Variants in HGD observed in about 807,000 individuals in gnomAD.
HGD encodes the protein homogentisate 1,2-dioxygenase.
Under a neutral mutation model 60.8 loss-of-function variants are expected in HGD, and 61 were observed. The observed-to-expected ratio is 1.00, with a 90% CI of 0.82 to 1.24. HGD has a LOEUF of 1.24. Ranked by LOEUF, HGD falls within the 50% of genes most tolerant of loss-of-function variation. HGD has a pLI of 0.00. For missense variants in HGD, 542 were observed against 547.1 expected (o/e 0.99, Z 0.09); for synonymous variants, 212 against 187.7 (o/e 1.13, Z -1.06).
chr3:120,670,545 A>G lies in HGD; in HGVS notation c.177-13T>C. 2.1e-6 allele frequency: 3 copies of G among 1,400,694 alleles called. No individual in the cohort carries two copies. Among genetic ancestry groups the G allele is most frequent in the South Asian group, 2.3e-5 (2 of 86,808 alleles). The allele number at this position is 1,400,694 out of a possible 1,614,324, so 86.8% of individuals were successfully genotyped here. ...CCTATACAGCCAGCTAGAGGGAAAAACATACAAGATATACAAGCCTTAGAG... is the reference window on the plus strand; with the variant it reads ...CCTATACAGCCAGCTAGAGGGAAAAGCATACAAGATATACAAGCCTTAGAG... On this transcript the variant is annotated splice_polypyrimidine_tract_variant and intron_variant, in intron 3 of 13. Coordinates refer to ENST00000283871, the MANE Select transcript of HGD (RefSeq NM_000187.4).
intron 1 of HGD, among the ~76,000 whole-genome samples, chr3:120,678,380 G>T (rs1007691078): frequency 2.0e-5 from 3 of 152,208 alleles, no homozygotes; most frequent in Non-Finnish European, 4.4e-5. Flanking sequence ...CCTTCGCTTT[G>T]TTCAACTGCC....
At chr3:120,644,725 G>A (rs544787783) in intron 9 of HGD, 12 of 836,970 alleles carry the variant, frequency 1.4e-5, no homozygotes, top group African/African-American at 8.7e-5. Context: ...CTACAGGTGA[G>A]GGGAAGGGAA....
intron 9 of HGD, 43 bp downstream of exon 9, chr3:120,646,224 C>G: frequency 8.6e-7 from 1 of 1,167,732 alleles, no homozygotes; most frequent in Non-Finnish European, 1.3e-6. Context: ...TATCTGAGTC[C>G]TACATCTCAA....
At chr3:120,641,419 T>A (rs1001758254) in intron 11 of HGD, among the ~76,000 whole-genome samples, 170 bp downstream of exon 11, 2 of 152,208 alleles carry the variant, frequency 1.3e-5, no homozygotes, top group African/African-American at 4.8e-5. Context: ...CTGGCTTTGC[T>A]TCCCTACTAG....
chr3:120,659,795 A>G (rs901333161), intron 4 of HGD, among the ~76,000 whole-genome samples: 1 of 152,180 alleles, frequency 6.6e-6, no homozygotes, highest in Non-Finnish European at 1.5e-5. Context: ...TATAAAGAAA[A>G]GAGGTTTGAT....
In HGD at chr3:120,682,162, T is replaced by C; in HGVS notation, c.-51A>G. 1 of 1,580,374 alleles carries C rather than the reference T, an allele frequency of 6.3e-7. No homozygotes were observed. The highest frequency in any genetic ancestry group is 8.7e-7 in the Non-Finnish European group (1 of 1,149,406). On this transcript the variant is annotated 5_prime_UTR_variant, in exon 1 of 14. In the 5' UTR this introduces an upstream ATG that the reference lacks. Coordinates refer to ENST00000283871, the MANE Select transcript of HGD (RefSeq NM_000187.4). ...CTTCAGGAAACCCAGGCCCAGAGGA[T>C]ATAAAGCCACAATGCTTCTTTCTCC...
chr3:120,630,412 G>C (rs1940547761), intron 13 of HGD, among the ~76,000 whole-genome samples: 1 of 152,102 alleles, frequency 6.6e-6, no homozygotes, highest in Non-Finnish European at 1.5e-5. Context: ...GTGTGGTAAT[G>C]ATACAGAAAC....
chr3:120,631,548 A>G (rs1212122232), intron 13 of HGD, among the ~76,000 whole-genome samples: 1 of 152,234 alleles, frequency 6.6e-6, no homozygotes, highest in African/African-American at 2.4e-5. Flanking sequence ...CTATTCACAT[A>G]CAAGGATCAT....
chr3:120,664,616 A>C (rs1382115870), intron 4 of HGD, among the ~76,000 whole-genome samples: 1 of 151,644 alleles, frequency 6.6e-6, no homozygotes. Context: ...ATTTGTGTAG[A>C]GCCAGGGTCT....
At chr3:120,647,404 G>A (rs1459904015) in intron 7 of HGD, among the ~76,000 whole-genome samples, 4 of 152,154 alleles carry the variant, frequency 2.6e-5, no homozygotes, top group Non-Finnish European at 5.9e-5. Context: ...ACACGAAAAT[G>A]TTGATTCCAA....
In HGD at chr3:120,675,857, A is replaced by G. The variant is rs1391753267; in HGVS notation, c.22T>C (p.Ser8Pro). The change falls in exon 2 of 14, where the codon TCT becomes CCT. Residue 8 changes from serine (S) to proline (P), a missense_variant. Physicochemically the swap from Ser to Pro is moderately conservative, Grantham distance 74. Around this residue, in one of 2 missense-constraint regions of HGD, gnomAD observed 537 missense variants for 529.1 expected, o/e 1.01. Transcript: ENST00000283871. The stretch of plus-strand genomic sequence containing the variant: ...GAAGAACACTCATTCCCAAATCCAG[A>G]AATGTACTGTAGGTGACAAAGACAC... MAELKYI[S>P]GFGNECSSED... 5.6e-6 allele frequency: 9 copies of G among 1,613,158 alleles called. No individual in the cohort carries two copies. Among genetic ancestry groups the G allele is most frequent in the Admixed American group, 1.7e-5 (1 of 59,998 alleles).
chr3:120,664,426 C>CTTTTTTTT (rs71133513), intron 4 of HGD, among the ~76,000 whole-genome samples: 2 of 118,820 alleles, frequency 1.7e-5, no homozygotes, highest in Non-Finnish European at 3.3e-5. Flanking sequence ...TTTTTTCTTC[C>CTTTTTTTT]TTTTTTTTTT....
chr3:120,629,786 A>G (rs1940526863), intron 13 of HGD, among the ~76,000 whole-genome samples: 1 of 152,184 alleles, frequency 6.6e-6, no homozygotes, highest in Non-Finnish European at 1.5e-5. Flanking sequence ...AAGAGTAATC[A>G]GGCAATAGAA....
At chr3:120,680,773 T>G (rs1708217002) in intron 1 of HGD, among the ~76,000 whole-genome samples, 1 of 152,152 alleles carries the variant, frequency 6.6e-6, no homozygotes, top group African/African-American at 2.4e-5. Context: ...TGACACAGTT[T>G]TGGATTCTAG....
At chr3:120,681,789 CAT>C (rs1708235113) in intron 1 of HGD, among the ~76,000 whole-genome samples, 1 of 152,184 alleles carries the variant, frequency 6.6e-6, no homozygotes, top group African/African-American at 2.4e-5. Context: ...GGGAAAAAGA[CAT>C]AGAGAGAAAC....
intron 3 of HGD, chr3:120,674,628 T>C (rs1276727000): frequency 5.1e-5 from 20 of 388,622 alleles, no homozygotes; most frequent in Non-Finnish European, 9.4e-5. Flanking sequence ...CTATTAGGAA[T>C]ATTTCCTTCT....
Position 120,641,639 on chromosome 3 carries a change from A to G in HGD, c.829T>C (p.Tyr277His), listed in dbSNP as rs763294945. 6.2e-7 allele frequency: 1 copy of G among 1,614,094 alleles called. No homozygotes were observed. Among genetic ancestry groups the G allele is most frequent in the Admixed American group, 1.7e-5 (1 of 60,030 alleles). ...AWHGNYTPYK[Y>H]NLKNFMVINS... ...ATAACCATGAAATTCTTCAGGTTGT[A>G]CTTGTAGGGTGTATAATTCCCGTGC... The change falls in exon 11 of 14, where the codon TAC becomes CAC. Residue 277 changes from tyrosine to histidine, a missense_variant. By Grantham distance (83) the Tyr-to-His change is moderately conservative (BLOSUM62 2). This residue lies in a region of HGD where 537 missense variants were observed against 529.1 expected (regional missense o/e 1.01). Coordinates refer to ENST00000283871, the MANE Select transcript of HGD (RefSeq NM_000187.4).
intron 4 of HGD, among the ~76,000 whole-genome samples, chr3:120,664,542 C>A (rs374656841): frequency 1.3e-5 from 2 of 151,598 alleles, no homozygotes; most frequent in East Asian, 3.9e-4. Context: ...GTCTTCCCAC[C>A]TCAGCCTCCT....
intron 3 of HGD, 117 bp downstream of exon 3, chr3:120,674,784 A>C: frequency 1.3e-6 from 1 of 744,920 alleles, no homozygotes; most frequent in Non-Finnish European, 2.5e-6. Context: ...ACCATAGCCT[A>C]TAAGAAGCAG....
Sources: gnomAD v4.1 joint callset for allele counts (sites outside exome capture counted in the v4.1 genomes callset) on GRCh38, gnomAD v4.1.1 for gene constraint, gnomAD v4.1.1 regional missense constraint, MANE v1.5 for transcripts, NCBI Gene and HGNC (gene_info 2026-07-23, HGNC 2026-07-21) for gene names.